The following ASPRV1 variants were observed in gnomAD, a reference collection of about 807,000 sequenced individuals.
The protein encoded by ASPRV1 is aspartic peptidase retroviral like 1.
In ASPRV1, 7 loss-of-function variants were observed where a neutral mutation model predicts 11.0. That is an observed-to-expected ratio of 0.64 (90% CI 0.36 to 1.20). The LOEUF is 1.20. Ranked by LOEUF, ASPRV1 falls within the 50% of genes most tolerant of loss-of-function variation. The pLI, the probability that ASPRV1 is intolerant of heterozygous loss-of-function variation, is 0.02. For missense variants in ASPRV1, 299 were observed against 320.0 expected (o/e 0.93, Z 0.50); for synonymous variants, 136 against 138.4 (o/e 0.98, Z 0.12).
the ASPRV1 span, chr2:70,045,488 T>C: frequency 6.6e-6 from 1 of 152,244 alleles, no homozygotes; most frequent in Non-Finnish European, 1.5e-5. Flanking sequence ...CCAAAGTGTG[T>C]GCCCCACACA....
At chr2:70,085,284 C>A in the ASPRV1 span, among the ~76,000 whole-genome samples, 1 of 152,186 alleles carries the variant, frequency 6.6e-6, no homozygotes, top group Admixed American at 6.5e-5. Flanking sequence ...CCGACAGACA[C>A]CTGAGCCTCT....
chr2:70,019,534 GGATA>G, the ASPRV1 span, among the ~76,000 whole-genome samples: 1 of 152,120 alleles, frequency 6.6e-6, no homozygotes, highest in Non-Finnish European at 1.5e-5. Flanking sequence ...GCAGATGAAT[GGATA>G]AAGAAAATGT....
the ASPRV1 span, among the ~76,000 whole-genome samples, chr2:70,064,857 G>A: frequency 6.6e-6 from 1 of 152,174 alleles, no homozygotes; most frequent in East Asian, 1.9e-4. Flanking sequence ...ACTTTGGGAG[G>A]CCAAGGCAGG....
the ASPRV1 span, among the ~76,000 whole-genome samples, chr2:70,011,219 C>T: frequency 5.9e-5 from 9 of 151,860 alleles, 1 homozygote; most frequent in South Asian, 1.5e-3. Flanking sequence ...CCCTGTGACA[C>T]GAGTTTAACT....
the ASPRV1 span, among the ~76,000 whole-genome samples, chr2:70,061,749 G>C: frequency 6.6e-6 from 1 of 152,072 alleles, no homozygotes; most frequent in African/African-American, 2.4e-5. Flanking sequence ...AAGAGTTCAA[G>C]ACTAGCCTGG....
At chr2:69,952,409 ATGAGGGGATTGCT>A in the ASPRV1 span, among the ~76,000 whole-genome samples, 1 of 152,022 alleles carries the variant, frequency 6.6e-6, no homozygotes, top group African/African-American at 2.4e-5. Context: ...GGAGGCTGAG[ATGAGGGGATTGCT>A]TGAGCCTGGG....
At chr2:70,033,851 T>C in the ASPRV1 span, among the ~76,000 whole-genome samples, 2 of 152,120 alleles carry the variant, frequency 1.3e-5, no homozygotes, top group African/African-American at 4.8e-5. Flanking sequence ...ACACTGAGAA[T>C]GTGATTAAGG....
chr2:69,973,939 T>C, the ASPRV1 span, among the ~76,000 whole-genome samples: 1 of 152,220 alleles, frequency 6.6e-6, no homozygotes, highest in Admixed American at 6.5e-5. Flanking sequence ...CAATATGATG[T>C]CACTGAATGC....
chr2:69,967,287 C>T, the ASPRV1 span, among the ~76,000 whole-genome samples: 1 of 152,316 alleles, frequency 6.6e-6, no homozygotes, highest in African/African-American at 2.4e-5. Context: ...GTGCGGGGCA[C>T]ACTGGAGTCT....
At chr2:69,999,736 C>G in the ASPRV1 span, among the ~76,000 whole-genome samples, 1 of 151,878 alleles carries the variant, frequency 6.6e-6, no homozygotes, top group East Asian at 1.9e-4. Context: ...TGGCCAGGAG[C>G]CTCCACACAA....
the ASPRV1 span, chr2:69,988,830 C>T: frequency 4.4e-6 from 2 of 456,512 alleles, no homozygotes; most frequent in Non-Finnish European, 8.8e-6. Flanking sequence ...TGGGGTTCTG[C>T]AGAAGAGTCT....
chr2:69,995,801 T>G, the ASPRV1 span, among the ~76,000 whole-genome samples: 1 of 152,148 alleles, frequency 6.6e-6, no homozygotes, highest in Non-Finnish European at 1.5e-5. Flanking sequence ...CACCGCCTTC[T>G]CATGCAGGCA....
chr2:69,974,515 C>A, the ASPRV1 span, among the ~76,000 whole-genome samples: 1 of 152,198 alleles, frequency 6.6e-6, no homozygotes, highest in South Asian at 2.1e-4. Context: ...CTCATAGGAA[C>A]TGGTATGATC....
At chr2:69,981,802 G>A in the ASPRV1 span, among the ~76,000 whole-genome samples, 7 of 152,238 alleles carry the variant, frequency 4.6e-5, no homozygotes, top group African/African-American at 1.2e-4. Context: ...CAAGTGATCC[G>A]CCTGCCTTGG....
chr2:70,026,436 T>C, the ASPRV1 span, among the ~76,000 whole-genome samples: 1 of 150,622 alleles, frequency 6.6e-6, no homozygotes, highest in Non-Finnish European at 1.5e-5. Context: ...TTATTCTTGT[T>C]TACAACAACC....
chr2:69,945,430 C>G, the ASPRV1 span, among the ~76,000 whole-genome samples: 1 of 152,234 alleles, frequency 6.6e-6, no homozygotes, highest in Non-Finnish European at 1.5e-5. Flanking sequence ...GGTGGCGAGG[C>G]AGCTCCCTGC....
the ASPRV1 span, among the ~76,000 whole-genome samples, chr2:70,015,241 G>C: frequency 5.3e-5 from 8 of 152,120 alleles, no homozygotes; most frequent in African/African-American, 1.9e-4. Context: ...AAGAGAGCAG[G>C]GGTAGCTATA....
At chr2:70,053,387 G>A in the ASPRV1 span, among the ~76,000 whole-genome samples, 1 of 152,198 alleles carries the variant, frequency 6.6e-6, no homozygotes, top group East Asian at 1.9e-4. Context: ...CACATGAGTG[G>A]AGGCAGGGCA....
the ASPRV1 span, among the ~76,000 whole-genome samples, chr2:69,943,246 T>G: frequency 1.3e-5 from 2 of 152,248 alleles, no homozygotes. Flanking sequence ...CCTCTAATGA[T>G]GCAGGCTGTA....
Sources: gnomAD v4.1 joint callset for allele counts (sites outside exome capture counted in the v4.1 genomes callset) on GRCh38, gnomAD v4.1.1 for gene constraint, MANE v1.5 for transcripts, NCBI Gene and HGNC (gene_info 2026-07-23, HGNC 2026-07-21) for gene names.